The following KIAA1549 variants were observed in gnomAD, a reference collection of about 807,000 sequenced individuals.
KIAA1549 encodes the protein UPF0606 protein KIAA1549.
In KIAA1549, 70 loss-of-function variants were observed where a neutral mutation model predicts 156.4. The ratio of observed to expected loss-of-function variants is 0.45; its 90% confidence interval spans 0.37 to 0.55. KIAA1549 has a LOEUF of 0.55. KIAA1549 is among the 20% of genes least tolerant of loss of function. The pLI is 0.00. For missense variants in KIAA1549, 2,428 were observed against 2,540.9 expected, an observed-to-expected ratio of 0.96 and a Z score of 0.96; for synonymous variants, 1,103 against 1,066.4, an observed-to-expected ratio of 1.03 and a Z score of -0.67.
chr7:138,840,832 C>T (rs1464818359), intron 18 of KIAA1549, among the ~76,000 whole-genome samples: 3 of 152,160 alleles, frequency 2.0e-5, no homozygotes, highest in Admixed American at 6.5e-5. Flanking sequence ...CCAGTGGAAC[C>T]ACAATCCCAC....
intron 12 of KIAA1549, among the ~76,000 whole-genome samples, chr7:138,876,883 C>G (rs772949609): frequency 6.6e-6 from 1 of 152,172 alleles, no homozygotes; most frequent in Non-Finnish European, 1.5e-5. Context: ...TAGTCACCTT[C>G]CAAAAACAGT....
intron 1 of KIAA1549, among the ~76,000 whole-genome samples, chr7:138,979,158 A>T (rs577811930): frequency 4.6e-5 from 7 of 152,352 alleles, no homozygotes; most frequent in African/African-American, 1.7e-4. Context: ...CAGTGAAAGG[A>T]TGAAGTCTCT....
Position 138,861,210 on chromosome 7 carries a change from G to C in KIAA1549, c.5176C>G (p.Gln1726Glu). The C allele has an allele frequency of 1.2e-6, 2 of 1,613,646 alleles. No homozygotes were observed. The highest frequency in any genetic ancestry group is 1.7e-6 in the Non-Finnish European group (2 of 1,179,846). The change falls in exon 16 of 20, where the codon CAG becomes GAG. Residue 1726 changes from glutamine (Q) to glutamate (E), a missense_variant. By Grantham distance (29) the Gln-to-Glu change is conservative (BLOSUM62 2). Around this residue, in one of 5 missense-constraint regions of KIAA1549, gnomAD observed 363 missense variants for 354.0 expected, o/e 1.03. Coordinates refer to ENST00000422774, the MANE Select transcript of KIAA1549 (RefSeq NM_001164665.2). ...CACTGGGTGGCTCGCCTCTCTTCCT[G>C]GGAAGGGGTGCTGTTTGCGGGCAGG... is the stretch of plus-strand genomic sequence containing the variant. ...PGLPANSTPS[Q>E]EERRATQWGS... is the part of the protein sequence containing the mutation.
At chr7:138,946,809 G>A (rs547826831) in intron 1 of KIAA1549, among the ~76,000 whole-genome samples, 7 of 152,176 alleles carry the variant, frequency 4.6e-5, no homozygotes, top group Admixed American at 1.3e-4. Context: ...ACTCCACCCC[G>A]TCTGTAATGC....
At position 138,852,213 on chromosome 7, in the gene KIAA1549, A is replaced by C; in HGVS notation, c.5294+10T>G. The C allele has an allele frequency of 6.2e-7, 1 of 1,604,554 alleles. No individual in the cohort carries two copies. The highest frequency in any genetic ancestry group is 2.2e-5 in the East Asian group (1 of 44,812). Reference sequence around the variant, plus strand: ...GAAAGTGATAATACATTTTGTTTTGAAAACCTTACCTTGGCAATGGACCCG... The same window carrying C: ...GAAAGTGATAATACATTTTGTTTTGCAAACCTTACCTTGGCAATGGACCCG... On this transcript the variant is annotated intron_variant, in intron 17 of 19. Coordinates refer to ENST00000422774, the MANE Select transcript of KIAA1549 (RefSeq NM_001164665.2).
intron 10 of KIAA1549, 83 bp from the exon 11 acceptor site, chr7:138,881,667 G>A: frequency 2.5e-6 from 3 of 1,223,026 alleles, no homozygotes; most frequent in Non-Finnish European, 3.4e-6. Flanking sequence ...ACCCAAGACT[G>A]TGCTGGCAAT....
chr7:138,912,893 CTTTTT>C (rs930057237), intron 2 of KIAA1549, among the ~76,000 whole-genome samples: 11 of 152,202 alleles, frequency 7.2e-5, no homozygotes, highest in East Asian at 1.9e-4. Flanking sequence ...CTTTTCTTTT[CTTTTT>C]GAGACCCGCT....
At chr7:138,873,598 T>C (rs1412834194) in intron 12 of KIAA1549, among the ~76,000 whole-genome samples, 1 of 127,012 alleles carries the variant, frequency 7.9e-6, no homozygotes, top group Non-Finnish European at 1.6e-5. Flanking sequence ...GTGACAGGCA[T>C]TAAAAAAAAA....
In KIAA1549 at chr7:138,869,593, T is replaced by C; in HGVS notation, c.4720A>G (p.Lys1574Glu). The C allele has an allele frequency of 6.2e-7, 1 of 1,600,714 alleles. No homozygotes were observed. Among genetic ancestry groups the C allele is most frequent in the Non-Finnish European group, 8.5e-7 (1 of 1,175,042 alleles). Residue 1574 changes from lysine (K) to glutamate (E), a missense_variant, in exon 14 of 20, where the codon AAG becomes GAG. Around this residue, in one of 5 missense-constraint regions of KIAA1549, gnomAD observed 404 missense variants for 417.0 expected, o/e 0.97. Coordinates refer to ENST00000422774, the MANE Select transcript of KIAA1549 (RefSeq NM_001164665.2). ...VYRRAQMQID[K>E]ILDPTASVPS... ...ACGCTGGCCGTGGGGTCCAGGATCTTGTCGATCTGCATCTGTGCCCTGCGG... is the reference window on the plus strand; with the variant it reads ...ACGCTGGCCGTGGGGTCCAGGATCTCGTCGATCTGCATCTGTGCCCTGCGG...
chr7:138,912,270 A>C (rs748533587), intron 3 of KIAA1549, 102 bp downstream of exon 3: 15 of 815,664 alleles, frequency 1.8e-5, no homozygotes, highest in Non-Finnish European at 2.3e-5. Context: ...GAAGAGATGA[A>C]ATAGAATGAT....
chr7:138,872,549 G>GA (rs1810970403), intron 12 of KIAA1549, among the ~76,000 whole-genome samples: 1 of 151,926 alleles, frequency 6.6e-6, no homozygotes, highest in Admixed American at 6.6e-5. Context: ...CTTTAATTTT[G>GA]AAAAAAGAGA....
rs181967949 is a variant in KIAA1549 at position 138,916,611 on chromosome 7, T to C, written c.2878+137A>G. Reference sequence around the variant, plus strand: ...TCTGAGAACTCGCAGGAGGTAAGCATAGGAGTACTACCTGGGAGTTAACTG... The same window carrying C: ...TCTGAGAACTCGCAGGAGGTAAGCACAGGAGTACTACCTGGGAGTTAACTG... On this transcript the variant is annotated intron_variant, in intron 2 of 19. Coordinates refer to ENST00000422774, the MANE Select transcript of KIAA1549 (RefSeq NM_001164665.2). The C allele has an allele frequency of 8.7e-6, 12 of 1,381,846 alleles. No homozygotes were observed. In the East Asian group the frequency reaches 2.7e-4, roughly 32 times the overall value. 85.6% of individuals were successfully genotyped at this position (1,381,846 alleles called of 1,614,324 possible).
rs575807857 is a variant in KIAA1549 at position 138,872,005 on chromosome 7, T to C, written c.4346-643A>G. On this transcript the variant is annotated intron_variant, in intron 12 of 19. Transcript: ENST00000422774. Reference sequence around the variant, plus strand: ...TTTTTTTAATTTATTTTTTATTTTTTTGAGACGGAGTCTCACTCTCTCGCC... The same window carrying C: ...TTTTTTTAATTTATTTTTTATTTTTCTGAGACGGAGTCTCACTCTCTCGCC... 9.7e-4 allele frequency among the ~76,000 whole-genome samples: 148 copies of C among 152,372 alleles called. 1 individual carries two copies. The highest frequency in any genetic ancestry group is 3.5e-3 in the African/African-American group (145 of 41,590).
At chr7:138,895,758 T>G (rs1413627057) in intron 9 of KIAA1549, among the ~76,000 whole-genome samples, 1 of 152,140 alleles carries the variant, frequency 6.6e-6, no homozygotes, top group East Asian at 1.9e-4. Context: ...CCTTATGTTT[T>G]CCAAAATGAA....
chr7:138,862,793 T>G (rs746596534), intron 15 of KIAA1549, among the ~76,000 whole-genome samples: 1 of 151,998 alleles, frequency 6.6e-6, no homozygotes, highest in Non-Finnish European at 1.5e-5. Context: ...TAGCTGGGCG[T>G]AGTGTGCACG....
chr7:138,852,193 T>C, intron 17 of KIAA1549, 30 bp downstream of exon 17: 2 of 1,556,238 alleles, frequency 1.3e-6, no homozygotes, highest in South Asian at 1.1e-5. Context: ...TGTGAGAAAG[T>C]GATAATACAT....
chr7:138,869,487 G>T, intron 14 of KIAA1549, 51 bp downstream of exon 14: 1 of 1,420,524 alleles, frequency 7.0e-7, no homozygotes, highest in Non-Finnish European at 9.7e-7. Flanking sequence ...TGTGCCCCCC[G>T]CAGCACCTCT....
At chr7:138,852,960 C>G (rs1433764731) in intron 16 of KIAA1549, among the ~76,000 whole-genome samples, 1 of 152,212 alleles carries the variant, frequency 6.6e-6, no homozygotes, top group Non-Finnish European at 1.5e-5. Flanking sequence ...GCCAAATGTT[C>G]TTTGACTAAA....
At position 138,905,325 on chromosome 7, in the gene KIAA1549, G is replaced by A. The variant is rs1468645980; in HGVS notation, c.3461-244C>T. Reference sequence around the variant, plus strand: ...GTCACAGGACACTGCTTCACAGAGAGGTCACCGGCAAGTTCTCCTTTGAAT... The same window carrying A: ...GTCACAGGACACTGCTTCACAGAGAAGTCACCGGCAAGTTCTCCTTTGAAT... On this transcript the variant is annotated intron_variant, in intron 6 of 19. Coordinates refer to ENST00000422774, the MANE Select transcript of KIAA1549 (RefSeq NM_001164665.2). 2.0e-5 allele frequency among the ~76,000 whole-genome samples: 3 copies of A among 152,226 alleles called. No individual in the cohort carries two copies. In the East Asian group the frequency reaches 5.8e-4, roughly 29 times the overall value.
Sources: gnomAD v4.1 joint callset for allele counts (sites outside exome capture counted in the v4.1 genomes callset) on GRCh38, gnomAD v4.1.1 for gene constraint, gnomAD v4.1.1 regional missense constraint, MANE v1.5 for transcripts, NCBI Gene and HGNC (gene_info 2026-07-23, HGNC 2026-07-21) for gene names.